The following ASAP1 variants were observed in gnomAD, a reference collection of about 807,000 sequenced individuals.
ASAP1 encodes ArfGAP with SH3 domain, ankyrin repeat and PH domain 1, also known as arf-GAP with SH3 domain, ANK repeat and PH domain-containing protein 1.
In ASAP1, 43 loss-of-function variants were observed where a neutral mutation model predicts 145.2. The ratio of observed to expected loss-of-function variants is 0.30; its 90% CI spans 0.23 to 0.38. The LOEUF (loss-of-function observed/expected upper bound fraction) is 0.38, where lower values mean the gene tolerates loss of function less well. Ranked by LOEUF, ASAP1 falls within the 10% of genes least tolerant of loss-of-function variation. The pLI, the probability that ASAP1 is intolerant of heterozygous loss-of-function variation, is 1.00. For synonymous variants in ASAP1, 546 were observed against 515.5 expected (o/e 1.06, Z -0.80); for missense variants, 1,018 against 1,355.3 (o/e 0.75, Z 3.91).
At position 130,107,515 on chromosome 8, in the gene ASAP1, A is replaced by AAATGT. The variant is rs1554823935; in HGVS notation, c.2401+4578_2401+4579insACATT. 1.6e-3 allele frequency among the ~76,000 whole-genome samples: 160 copies of AAATGT among 101,770 alleles called. 1 individual carries two copies. The highest frequency in any genetic ancestry group is 3.0e-3 in the Non-Finnish European group (141 of 47,626). 66.8% of individuals were successfully genotyped at this position (101,770 alleles called of 152,430 possible). On this transcript the variant is annotated intron_variant, in intron 24 of 29. Transcript: ENST00000518721. ...TCTCTCTTTTTTTTTTTTTTTAAAAAATGTATGTATGTATGTATGTATGTA... is the reference window on the plus strand; with the variant it reads ...TCTCTCTTTTTTTTTTTTTTTAAAAAAATGTATGTATGTATGTATGTATGTATGTA...
chr8:130,124,237 A>C lies in ASAP1; in HGVS notation c.1516-133T>G, dbSNP rs539906204. 9 of 671,996 alleles carry C rather than the reference A, an allele frequency of 1.3e-5. No homozygotes were observed. In the African/African-American group the frequency reaches 1.7e-4, roughly 13 times the overall value. 41.6% of individuals were successfully genotyped at this position (671,996 alleles called of 1,614,324 possible). On this transcript the variant is annotated intron_variant, in intron 17 of 29. Coordinates refer to ENST00000518721, the MANE Select transcript of ASAP1 (RefSeq NM_018482.4). ...TGACTTAGAATACAAACCACCGTCC[A>C]TCTGGTCTACAAATATTTACTGAGC... is the stretch of plus-strand genomic sequence containing the variant.
intron 5 of ASAP1, among the ~76,000 whole-genome samples, chr8:130,212,087 C>T (rs1157637118): frequency 6.6e-6 from 1 of 152,152 alleles, no homozygotes; most frequent in Non-Finnish European, 1.5e-5. Context: ...GTCTAGTTTG[C>T]TCTTCCCTTT....
intron 5 of ASAP1, among the ~76,000 whole-genome samples, chr8:130,189,490 G>A (rs960747762): frequency 8.6e-5 from 13 of 152,036 alleles, no homozygotes; most frequent in Admixed American, 7.9e-4. Context: ...GCATGACTTT[G>A]TTTTTTATGG....
intron 27 of ASAP1, among the ~76,000 whole-genome samples, chr8:130,072,823 G>GCGCGCGCACGCGCA (rs879754231): frequency 1.4e-5 from 1 of 72,628 alleles, no homozygotes; most frequent in Non-Finnish European, 2.7e-5. Flanking sequence ...GTGTGTGTGT[G>GCGCGCGCACGCGCA]TGCGCGCGGG....
At chr8:130,164,004 A>T (rs548516562) in intron 11 of ASAP1, among the ~76,000 whole-genome samples, 1 of 152,190 alleles carries the variant, frequency 6.6e-6, no homozygotes, top group African/African-American at 2.4e-5. Context: ...CTGGTATCCA[A>T]TTTAAAACTA....
At chr8:130,376,866 G>A (rs564909244) in intron 2 of ASAP1, among the ~76,000 whole-genome samples, 2 of 123,010 alleles carry the variant, frequency 1.6e-5, no homozygotes, top group East Asian at 5.0e-4. Flanking sequence ...TCGCACCATT[G>A]CACTCCAGCC....
At position 130,116,691 on chromosome 8, in the gene ASAP1, T is replaced by G. The variant is rs983262459; in HGVS notation, c.2051A>C (p.Gln684Pro). ...ATTTTTGCTTACCAGATCTTCACAC[T>G]GGGTAGCTTTTAGTCTCTTTGCTAT... ...LDIAKRLKAT[Q>P]CEDLLSQAKS... The change falls in exon 22 of 30, where the codon CAG (glutamine) becomes CCG (proline). Residue 684 changes from glutamine to proline, a missense_variant. Transcript: ENST00000518721. 6.2e-7 allele frequency: 1 copy of G among 1,613,984 alleles called. No homozygotes were observed. The highest frequency in any genetic ancestry group is 1.3e-5 in the African/African-American group (1 of 74,924).
At chr8:130,187,887 G>A (rs1483605422) in intron 6 of ASAP1, among the ~76,000 whole-genome samples, 1 of 152,112 alleles carries the variant, frequency 6.6e-6, no homozygotes, top group Non-Finnish European at 1.5e-5. Flanking sequence ...CCCACCCATG[G>A]AGGACCTTCC....
Position 130,401,849 on chromosome 8 carries a change from G to A in ASAP1, c.59+36C>T, listed in dbSNP as rs149895377. The stretch of plus-strand genomic sequence containing the variant: ...AGAATCCCGCTGTATCTCCCACGCC[G>A]AGTTTTCTGGACAGGATGGGCTAGA... On this transcript the variant is annotated intron_variant, in intron 2 of 29. Transcript: ENST00000518721. 9,872 of 1,594,218 alleles carry A rather than the reference G, an allele frequency of 6.2e-3. 49 individuals are homozygous for A. The highest frequency in any genetic ancestry group is 9.0e-3 in the Middle Eastern group (54 of 5,984).
At chr8:130,251,002 A>G (rs1819162621) in intron 3 of ASAP1, among the ~76,000 whole-genome samples, 1 of 152,222 alleles carries the variant, frequency 6.6e-6, no homozygotes, top group Non-Finnish European at 1.5e-5. Flanking sequence ...TACTCCAACA[A>G]TTCCCAACAA....
Position 130,072,824 on chromosome 8 carries a change from T to TGTGTGTGTGTGCGCGC in ASAP1, c.2701+3523_2701+3524insGCGCGCACACACACAC. ...GTGTGTGTGTGTGTGTGTGTGTGTG[T>TGTGTGTGTGTGCGCGC]GCGCGCGGGGGGGGGCAGTTTTGGG... On this transcript the variant is annotated intron_variant, in intron 27 of 29. Transcript: ENST00000518721. Among the ~76,000 whole-genome samples the TGTGTGTGTGTGCGCGC allele has an allele frequency of 4.6e-3, 149 of 32,292 alleles. 12 individuals are homozygous for TGTGTGTGTGTGCGCGC. Among genetic ancestry groups the TGTGTGTGTGTGCGCGC allele is most frequent in the African/African-American group, 0.016 (131 of 8,176 alleles). The allele number at this position is 32,292 out of a possible 152,430, so 21.2% of individuals were successfully genotyped here.
intron 3 of ASAP1, among the ~76,000 whole-genome samples, chr8:130,300,141 C>CAG (rs1565185838): frequency 7.6e-5 from 9 of 117,972 alleles, no homozygotes; most frequent in African/African-American, 3.1e-4. Flanking sequence ...CACACACACA[C>CAG]ACACACACAC....
intron 3 of ASAP1, among the ~76,000 whole-genome samples, chr8:130,240,545 A>C (rs1818461645): frequency 6.6e-6 from 1 of 152,142 alleles, no homozygotes; most frequent in Admixed American, 6.6e-5. Context: ...CTAAGAGAAA[A>C]ATGGTAGATA....
rs1554860204 is a variant in ASAP1 at position 130,256,755 on chromosome 8, A to ATATATATATCCT, written c.187-19762_187-19761insAGGATATATATA. The stretch of plus-strand genomic sequence containing the variant: ...TACACATTCTTATATATATATATAT[A>ATATATATATCCT]TATATATATATATATATATATATAT... On this transcript the variant is annotated intron_variant, in intron 3 of 29. Coordinates refer to ENST00000518721, the MANE Select transcript of ASAP1 (RefSeq NM_018482.4). 1.5e-3 allele frequency among the ~76,000 whole-genome samples: 139 copies of ATATATATATCCT among 89,686 alleles called. 1 individual carries two copies. The highest frequency in any genetic ancestry group is 2.6e-3 in the Non-Finnish European group (106 of 40,668). 58.8% of individuals were successfully genotyped at this position (89,686 alleles called of 152,430 possible). A position where few individuals can be genotyped will look rare whatever the true frequency, so the allele number is the denominator to read the frequency against.
intron 3 of ASAP1, among the ~76,000 whole-genome samples, chr8:130,263,732 A>G (rs549555696): frequency 6.6e-6 from 1 of 152,368 alleles, no homozygotes; most frequent in African/African-American, 2.4e-5. Flanking sequence ...GTCTTGCTCT[A>G]CATCCTAGGG....
intron 7 of ASAP1, among the ~76,000 whole-genome samples, chr8:130,184,659 G>C (rs554160635): frequency 6.6e-5 from 10 of 152,298 alleles, no homozygotes; most frequent in African/African-American, 1.9e-4. Flanking sequence ...ACTGTTATTT[G>C]GGGTTTCCAT....
At chr8:130,096,389 G>T (rs567170003) in intron 24 of ASAP1, among the ~76,000 whole-genome samples, 57 of 152,278 alleles carry the variant, frequency 3.7e-4, no homozygotes, top group Middle Eastern at 6.8e-3. Flanking sequence ...AAAAAAGGGT[G>T]GGGAGGCAAG....
intron 3 of ASAP1, among the ~76,000 whole-genome samples, chr8:130,345,103 C>T (rs1433707915): frequency 2.6e-5 from 4 of 152,114 alleles, no homozygotes; most frequent in African/African-American, 9.7e-5. Context: ...GTTTCCTCAT[C>T]TGTCAAATGA....
At chr8:130,078,049 G>T (rs2097468166) in intron 26 of ASAP1, among the ~76,000 whole-genome samples, 1 of 151,768 alleles carries the variant, frequency 6.6e-6, no homozygotes, top group African/African-American at 2.4e-5. Context: ...GAGTGCAGTG[G>T]CGTGATCTCG....
Sources: allele counts gnomAD v4.1 joint callset (sites outside exome capture counted in the v4.1 genomes callset), GRCh38; gene constraint gnomAD v4.1.1; transcripts MANE v1.5; gene names NCBI Gene and HGNC (gene_info 2026-07-23, HGNC 2026-07-21).